SLC37A1: variants seen among roughly 807,000 people sequenced by gnomAD.
SLC37A1 encodes solute carrier family 37 member 1, also known as glucose-6-phosphate exchanger SLC37A1.
A neutral mutation model predicts 75.3 loss-of-function variants in SLC37A1; 49 were observed. That is an observed-to-expected ratio of 0.65 (90% confidence interval 0.52 to 0.83). The LOEUF (loss-of-function observed/expected upper bound fraction) is 0.83. SLC37A1 is among the 40% of genes least tolerant of loss of function. The pLI is 0.00. For synonymous variants in SLC37A1, 268 were observed against 292.1 expected (o/e 0.92, Z 0.84); for missense variants, 566 against 695.0 (o/e 0.81, Z 2.09).
intron 8 of SLC37A1, 147 bp downstream of exon 8, chr21:42,543,749 C>T (rs781494270): frequency 2.7e-6 from 2 of 752,110 alleles, no homozygotes; most frequent in African/African-American, 1.8e-5. Flanking sequence ...ACCAGGGAGA[C>T]TTCCCCGGGG....
rs141799746 is a variant in SLC37A1 at position 42,556,494 on chromosome 21, C to T, written c.849+2352C>T. Among the ~76,000 whole-genome samples, 586 of 152,322 alleles carry T rather than the reference C, an allele frequency of 3.8e-3. 4 individuals carry two copies. The highest frequency in any genetic ancestry group is 0.013 in the African/African-American group (554 of 41,570). ...GCTTAGCATTTTTAGATAAAGCGATCGTTATTACGCAGTCCCCCCACATGC... is the reference window on the plus strand; with the variant it reads ...GCTTAGCATTTTTAGATAAAGCGATTGTTATTACGCAGTCCCCCCACATGC... On this transcript the variant is annotated intron_variant, in intron 10 of 19. Transcript: ENST00000352133.
intron 5 of SLC37A1, among the ~76,000 whole-genome samples, chr21:42,535,914 T>C: frequency 6.6e-6 from 1 of 152,238 alleles, no homozygotes; most frequent in East Asian, 1.9e-4. Context: ...GCCCAACCTC[T>C]CCTGTGGTTC....
intron 9 of SLC37A1, among the ~76,000 whole-genome samples, chr21:42,550,893 C>T (rs377312913): frequency 8.7e-6 from 1 of 114,784 alleles, no homozygotes; most frequent in African/African-American, 4.7e-5. Context: ...TGAAAACACT[C>T]AACAAACTAG....
chr21:42,573,375 G>A (rs904266295), intron 17 of SLC37A1, among the ~76,000 whole-genome samples: 3 of 151,982 alleles, frequency 2.0e-5, no homozygotes, highest in Non-Finnish European at 2.9e-5. Flanking sequence ...GCTGGGCCTC[G>A]CTCTGCTCCA....
intron 18 of SLC37A1, 75 bp from the exon 19 acceptor site, chr21:42,579,661 C>T (rs1569052117): frequency 1.3e-6 from 2 of 1,533,158 alleles, no homozygotes; most frequent in Non-Finnish European, 1.8e-6. Flanking sequence ...CGGGCCAGGT[C>T]CTCATGGTGC....
chr21:42,527,939 A>G (rs968932216), intron 3 of SLC37A1, among the ~76,000 whole-genome samples: 1 of 152,160 alleles, frequency 6.6e-6, no homozygotes, highest in African/African-American at 2.4e-5. Flanking sequence ...TCATGATATA[A>G]ATGGCATCAA....
chr21:42,529,264 A>C (rs2054879001), intron 3 of SLC37A1, among the ~76,000 whole-genome samples: 1 of 152,156 alleles, frequency 6.6e-6, no homozygotes, highest in South Asian at 2.1e-4. Context: ...TAAATGTTGA[A>C]TCCCTATTTT....
chr21:42,501,149 T>G (rs934014220), intron 1 of SLC37A1, among the ~76,000 whole-genome samples: 1 of 152,258 alleles, frequency 6.6e-6, no homozygotes, highest in African/African-American at 2.4e-5. Context: ...CAACACAGGT[T>G]TATCAAATTA....
At chr21:42,504,184 T>G (rs1190975430) in intron 2 of SLC37A1, among the ~76,000 whole-genome samples, 1 of 152,230 alleles carries the variant, frequency 6.6e-6, no homozygotes, top group East Asian at 1.9e-4. Flanking sequence ...TAGCAGTTCT[T>G]TATATTAATA....
At chr21:42,535,852 A>G (rs1233441808) in intron 5 of SLC37A1, among the ~76,000 whole-genome samples, 1 of 152,190 alleles carries the variant, frequency 6.6e-6, no homozygotes, top group East Asian at 1.9e-4. Flanking sequence ...AATCCTGCCA[A>G]TCCTGGGACG....
At chr21:42,549,775 A>T (rs1331040516) in intron 9 of SLC37A1, among the ~76,000 whole-genome samples, 1 of 152,234 alleles carries the variant, frequency 6.6e-6, no homozygotes, top group East Asian at 1.9e-4. Context: ...AAGAGATTTC[A>T]GATGTGCTGA....
intron 18 of SLC37A1, among the ~76,000 whole-genome samples, chr21:42,577,697 G>C (rs1476356424): frequency 1.3e-5 from 2 of 152,238 alleles, no homozygotes; most frequent in African/African-American, 4.8e-5. Context: ...GGATGAAAAT[G>C]ATCCCAGCAT....
intron 13 of SLC37A1, 82 bp from the exon 14 acceptor site, chr21:42,564,619 GCCGTTCT>G: frequency 2.0e-6 from 2 of 1,009,590 alleles, no homozygotes; most frequent in Non-Finnish European, 3.1e-6. Context: ...AAAGGAGGAG[GCCGTTCT>G]CCGAGCTCCT....
Position 42,539,605 on chromosome 21 carries a change from T to C in SLC37A1, c.444T>C (p.Tyr148=), listed in dbSNP as rs752256380. ...GAFTALFGLG[Y]FYNIHSFGFY... ...TCACCGCCCTGTTCGGCTTAGGGTA[T>C]TTCTACAACATCCACAGTTTCGGAT... is the stretch of plus-strand genomic sequence containing the variant. The change falls in exon 6 of 20, where the codon TAT becomes TAC. Residue 148 remains tyrosine (Y), a synonymous_variant. Coordinates refer to ENST00000352133, the MANE Select transcript of SLC37A1 (RefSeq NM_001320537.2). 4 of 1,613,986 alleles carry C rather than the reference T, an allele frequency of 2.5e-6. No homozygotes were observed. The East Asian group carries it at 6.7e-5, about 27-fold the overall frequency.
chr21:42,572,677 C>CACACACAAAAAAAA (rs1378861804), intron 17 of SLC37A1, among the ~76,000 whole-genome samples: 14 of 80,504 alleles, frequency 1.7e-4, no homozygotes, highest in African/African-American at 5.6e-4. Flanking sequence ...CACACACACA[C>CACACACAAAAAAAA]AAAAAAAAAA....
At chr21:42,528,254 G>A (rs1247147448) in intron 3 of SLC37A1, among the ~76,000 whole-genome samples, 2 of 152,200 alleles carry the variant, frequency 1.3e-5, no homozygotes, top group Non-Finnish European at 2.9e-5. Context: ...GGATAGTGGT[G>A]TTATAAGTGC....
chr21:42,563,769 G>T (rs199777910), intron 12 of SLC37A1, 46 bp from the exon 13 acceptor site: 1 of 1,592,668 alleles, frequency 6.3e-7, no homozygotes, highest in South Asian at 1.1e-5. Flanking sequence ...GCTGCGATGC[G>T]TGAAGGAGAT....
chr21:42,571,779 CTTG>C (rs2056174982), intron 17 of SLC37A1, among the ~76,000 whole-genome samples: 2 of 141,976 alleles, frequency 1.4e-5, no homozygotes, highest in Non-Finnish European at 1.5e-5. Flanking sequence ...ATAGATACAT[CTTG>C]TTTTTTCCCG....
chr21:42,502,512 G>C (rs145657557), intron 2 of SLC37A1: 70 of 152,334 alleles, frequency 4.6e-4, no homozygotes, highest in African/African-American at 1.7e-3. Context: ...TATTTGAGAA[G>C]ATAAGCATTT....
Sources: allele counts gnomAD v4.1 joint callset (sites outside exome capture counted in the v4.1 genomes callset), GRCh38; gene constraint gnomAD v4.1.1; transcripts MANE v1.5; gene names NCBI Gene and HGNC (gene_info 2026-07-23, HGNC 2026-07-21).